The following SFMBT2 variants were observed in gnomAD, a reference collection of about 807,000 sequenced individuals.
SFMBT2 encodes Scm like with four mbt domains 2.
In SFMBT2, 38 loss-of-function variants were observed where a neutral mutation model predicts 110.1. The ratio of observed to expected loss-of-function variants is 0.35; its 90% CI spans 0.27 to 0.45. The LOEUF (loss-of-function observed/expected upper bound fraction) is 0.45, where lower values mean the gene tolerates loss of function less well. Among genes scored for constraint, SFMBT2 ranks in the 20% least tolerant of loss-of-function variants. The probability of loss-of-function intolerance (pLI) is 1.00; values close to 1 mark genes in which losing one functional copy is unlikely to be tolerated. For missense variants in SFMBT2, 1,011 were observed against 1,094.9 expected, an observed-to-expected ratio of 0.92 and a Z score of 1.08; for synonymous variants, 425 against 425.4, an observed-to-expected ratio of 1.00 and a Z score of 0.01.
chr10:7,321,340 T>A (rs192565713), intron 4 of SFMBT2, among the ~76,000 whole-genome samples: 1,544 of 152,192 alleles, frequency 0.01, 34 homozygotes, highest in African/African-American at 0.035. Context: ...TAGCTGGGAC[T>A]ACAGGCGCCC....
In SFMBT2 at chr10:7,315,066, AAGAAAG is replaced by A. The variant is rs1842964037; in HGVS notation, c.437-29118_437-29113del. On this transcript the variant is annotated intron_variant, in intron 4 of 20. Transcript: ENST00000397167. ...AAAGAAAGAAAGAAAGAAAGAAAGA[AAGAAAG>A]AAAGAAAGAAAGAAAGAAAGAAAGA... is the stretch of plus-strand genomic sequence containing the variant. Among the ~76,000 whole-genome samples the A allele has an allele frequency of 3.5e-5, 5 of 142,444 alleles. No individual in the cohort carries two copies. In the South Asian group the frequency reaches 1.1e-3, roughly 31 times the overall value. 93.4% of individuals were successfully genotyped at this position (142,444 alleles called of 152,430 possible).
At position 7,381,843 on chromosome 10, in the gene SFMBT2, T is replaced by A. The variant is rs769768531; in HGVS notation, c.56A>T (p.Glu19Val). ...NMQDPSSSPL[E>V]KCLGSANGNG... ...TCCATTAGCTGAGCCGAGACACTTT[T>A]CCAAGGGTGAAGATGAAGGGTCTTG... The change falls in exon 2 of 21, where the codon GAA (glutamate) becomes GTA (valine). Residue 19 changes from glutamate (E) to valine (V), a missense_variant. Around this residue, in one of 2 missense-constraint regions of SFMBT2, gnomAD observed 979 missense variants for 1,016.1 expected, o/e 0.96. Coordinates refer to ENST00000397167, the MANE Select transcript of SFMBT2 (RefSeq NM_001387889.1). 1.7e-5 allele frequency: 28 copies of A among 1,613,736 alleles called. No homozygotes were observed. Among genetic ancestry groups the A allele is most frequent in the Non-Finnish European group, 2.4e-5 (28 of 1,179,870 alleles).
At position 7,298,132 on chromosome 10, in the gene SFMBT2, A is replaced by C. The variant is rs142676332; in HGVS notation, c.437-12178T>G. Among the ~76,000 whole-genome samples, 411 of 152,330 alleles carry C rather than the reference A, an allele frequency of 2.7e-3. 2 individuals carry two copies. The highest frequency in any genetic ancestry group is 9.4e-3 in the African/African-American group (392 of 41,570). On this transcript the variant is annotated intron_variant, in intron 4 of 20. Transcript: ENST00000397167. Reference sequence around the variant, plus strand: ...GAGTGCTAGATTTTTGGATCAGAAAATAATTGGAATTCCAAGCAACTGGAG... The same window carrying C: ...GAGTGCTAGATTTTTGGATCAGAAACTAATTGGAATTCCAAGCAACTGGAG...
intron 4 of SFMBT2, among the ~76,000 whole-genome samples, chr10:7,360,200 G>A (rs899809105): frequency 1.3e-5 from 2 of 152,140 alleles, no homozygotes; most frequent in Admixed American, 6.5e-5. Flanking sequence ...AGGCACACTG[G>A]CTCACGCCTG....
At chr10:7,264,131 T>C (rs770178193) in intron 7 of SFMBT2, 96 of 244,034 alleles carry the variant, frequency 3.9e-4, no homozygotes, top group Non-Finnish European at 5.8e-4. Flanking sequence ...TGGGGAAAAA[T>C]GGCCTCACAC....
intron 4 of SFMBT2, among the ~76,000 whole-genome samples, chr10:7,304,849 C>T (rs911101292): frequency 2.6e-5 from 4 of 152,206 alleles, no homozygotes; most frequent in African/African-American, 9.7e-5. Context: ...AGGTCCCACC[C>T]TGTGCCTAAA....
intron 4 of SFMBT2, among the ~76,000 whole-genome samples, chr10:7,322,953 A>T (rs759589366): frequency 1.3e-5 from 2 of 152,256 alleles, no homozygotes; most frequent in East Asian, 3.8e-4. Flanking sequence ...ACATTCACCC[A>T]AGAGTATTCT....
intron 11 of SFMBT2, among the ~76,000 whole-genome samples, chr10:7,218,840 T>G (rs899426487): frequency 3.3e-5 from 5 of 152,180 alleles, no homozygotes; most frequent in African/African-American, 1.2e-4. Flanking sequence ...AGCAATGGAA[T>G]TGAACCCCAG....
chr10:7,191,300 GAA>G (rs1325971540), intron 15 of SFMBT2, among the ~76,000 whole-genome samples: 2 of 152,160 alleles, frequency 1.3e-5, no homozygotes, highest in Admixed American at 6.5e-5. Context: ...CAATGTCCCT[GAA>G]ACTGTCTTAT....
At chr10:7,383,276 G>A (rs996039028) in intron 1 of SFMBT2, among the ~76,000 whole-genome samples, 4 of 152,060 alleles carry the variant, frequency 2.6e-5, no homozygotes, top group African/African-American at 9.7e-5. Flanking sequence ...GGCTGAGGCG[G>A]GAGGATCATT....
chr10:7,294,618 C>T (rs568615151), intron 4 of SFMBT2, among the ~76,000 whole-genome samples: 66 of 152,228 alleles, frequency 4.3e-4, no homozygotes, highest in African/African-American at 1.6e-3. Flanking sequence ...ATTTTTGTAA[C>T]ACTGTTACTC....
chr10:7,265,863 C>T (rs1841370412), intron 7 of SFMBT2, among the ~76,000 whole-genome samples: 1 of 152,178 alleles, frequency 6.6e-6, no homozygotes, highest in Non-Finnish European at 1.5e-5. Context: ...CTGCGGAAGG[C>T]ACTGAGGATA....
intron 4 of SFMBT2, among the ~76,000 whole-genome samples, chr10:7,324,675 G>A (rs1355101979): frequency 1.3e-5 from 2 of 152,170 alleles, no homozygotes; most frequent in Admixed American, 1.3e-4. Context: ...GCATAGACTG[G>A]GTGTCTTAAA....
At chr10:7,406,457 G>A (rs1302298960) in intron 1 of SFMBT2, among the ~76,000 whole-genome samples, 15 of 149,696 alleles carry the variant, frequency 1.0e-4, no homozygotes, top group Non-Finnish European at 5.9e-5. Flanking sequence ...TCCTTTGGGG[G>A]CAGTGGTTAA....
chr10:7,220,507 T>C lies in SFMBT2; in HGVS notation c.1234A>G (p.Met412Val). Residue 412 changes from methionine to valine, a missense_variant, in exon 11 of 21, where the codon ATG becomes GTG. Physicochemically the swap from Met to Val is conservative, Grantham distance 21. Coordinates refer to ENST00000397167, the MANE Select transcript of SFMBT2 (RefSeq NM_001387889.1). ...CTGGGGTTCACAGCTTCAAGTTTCA[T>C]GTTCTTTGTGAAACCTCGACTGAAT... is the stretch of plus-strand genomic sequence containing the variant. ...TSFSRGFTKN[M>V]KLEAVNPRNP... is the part of the protein sequence containing the mutation. The C allele has an allele frequency of 6.2e-7, 1 of 1,614,160 alleles. No individual in the cohort carries two copies. The highest frequency in any genetic ancestry group is 8.5e-7 in the Non-Finnish European group (1 of 1,179,986).
intron 2 of SFMBT2, among the ~76,000 whole-genome samples, chr10:7,374,399 C>T (rs1845145217): frequency 2.0e-5 from 3 of 152,190 alleles, no homozygotes; most frequent in Admixed American, 1.3e-4. Flanking sequence ...TCTATCACTT[C>T]AGATCAGGGG....
intron 1 of SFMBT2, among the ~76,000 whole-genome samples, chr10:7,393,082 G>T (rs552547740): frequency 3.2e-4 from 45 of 142,460 alleles, no homozygotes; most frequent in African/African-American, 1.1e-3. Flanking sequence ...GCCCAGGCTG[G>T]AATGCAGTGG....
At chr10:7,286,417 G>A (rs957999002) in intron 4 of SFMBT2, 1 of 967,624 alleles carries the variant, frequency 1.0e-6, no homozygotes, top group African/African-American at 1.8e-5. Flanking sequence ...TAACAAGAGG[G>A]GTGGACTGAA....
At chr10:7,242,882 T>C (rs761939538) in intron 9 of SFMBT2, among the ~76,000 whole-genome samples, 9 of 152,214 alleles carry the variant, frequency 5.9e-5, no homozygotes, top group Non-Finnish European at 1.2e-4. Context: ...CCAATAAGTT[T>C]ACTTTTCTCA....
Sources: allele counts gnomAD v4.1 joint callset (sites outside exome capture counted in the v4.1 genomes callset), GRCh38; gene constraint gnomAD v4.1.1; regional missense constraint gnomAD v4.1.1; transcripts MANE v1.5; gene names NCBI Gene and HGNC (gene_info 2026-07-23, HGNC 2026-07-21).